ATXN10: variants seen among roughly 807,000 people sequenced by gnomAD.
ATXN10 encodes ataxin-10.
In ATXN10, 28 loss-of-function variants were observed where a neutral mutation model predicts 52.9. The observed-to-expected ratio is 0.53, with a 90% CI of 0.39 to 0.73. The LOEUF (loss-of-function observed/expected upper bound fraction) is 0.73, where lower values mean the gene tolerates loss of function less well. Ranked by LOEUF, ATXN10 falls within the 30% of genes least tolerant of loss-of-function variation. The pLI, the probability that ATXN10 is intolerant of heterozygous loss-of-function variation, is 0.00. For synonymous variants in ATXN10, 226 were observed against 221.5 expected (o/e 1.02, Z -0.18); for missense variants, 565 against 577.0 (o/e 0.98, Z 0.21).
chr22:45,746,655 A>T (rs565488116), intron 9 of ATXN10, among the ~76,000 whole-genome samples: 3 of 146,952 alleles, frequency 2.0e-5, no homozygotes, highest in Non-Finnish European at 4.6e-5. Context: ...CACTGTGTGG[A>T]CTTCCCAACC....
In ATXN10 at chr22:45,823,489, C is replaced by A. The variant is rs139953848; in HGVS notation, c.1237+16467C>A. Among the ~76,000 whole-genome samples, 1 of 152,280 alleles carries A rather than the reference C, an allele frequency of 6.6e-6. No homozygotes were observed. The highest frequency in any genetic ancestry group is 1.9e-4 in the East Asian group (1 of 5,176). On this transcript the variant is annotated intron_variant, in intron 10 of 11. Transcript: ENST00000252934. This position sits in a 1 kb window ranked among gnomAD's most constrained non-coding sequence, Gnocchi z 4.9. ...TTCCGTTTCAGTATTTAAAAACCTT[C>A]ATTTCACCCTTGGCTCTGCAGGACC... is the stretch of plus-strand genomic sequence containing the variant.
rs775174646 is a variant in ATXN10 at position 45,843,036 on chromosome 22, A to G, written c.1283A>G (p.Asp428Gly). ...TATGCCATCCGAAACCTTACCGAAG[A>G]CAACAGCCAAAACCAAGATTTGATT... ...VIYAIRNLTE[D>G]NSQNQDLIAK... is the part of the protein sequence containing the mutation. The change falls in exon 11 of 12, where the codon GAC becomes GGC. Residue 428 changes from aspartate (D) to glycine (G), a missense_variant. Transcript: ENST00000252934. The surrounding 1 kb of genome is among the most constrained non-coding windows in gnomAD (Gnocchi z 4.5). 1.2e-6 allele frequency: 2 copies of G among 1,614,226 alleles called. No homozygotes were observed. The highest frequency in any genetic ancestry group is 3.3e-5 in the Admixed American group (2 of 60,030).
At chr22:45,697,699 G>A (rs1209345614) in intron 3 of ATXN10, among the ~76,000 whole-genome samples, 1 of 151,986 alleles carries the variant, frequency 6.6e-6, no homozygotes, top group Non-Finnish European at 1.5e-5. Flanking sequence ...GGGCGATCTC[G>A]GCTCACTGCA....
chr22:45,801,975 A>G (rs982970158), intron 9 of ATXN10, among the ~76,000 whole-genome samples: 2 of 152,184 alleles, frequency 1.3e-5, no homozygotes, highest in Admixed American at 6.5e-5. Context: ...AACCTCCCCA[A>G]GGTCACACAG....
chr22:45,719,654 A>C (rs2146775919), intron 6 of ATXN10, among the ~76,000 whole-genome samples: 1 of 152,292 alleles, frequency 6.6e-6, no homozygotes, highest in South Asian at 2.1e-4. Context: ...AGTCTATCAA[A>C]ATTATCTATT....
At position 45,775,838 on chromosome 22, in the gene ATXN10, T is replaced by G. The variant is rs1257349031; in HGVS notation, c.1174-31121T>G. On this transcript the variant is annotated intron_variant, in intron 9 of 11. Transcript: ENST00000252934. The surrounding 1 kb of genome is among the most constrained non-coding windows in gnomAD (Gnocchi z 4.7). ...ATTCTACAGCCTCTAACCTGATAGA[T>G]CATTCCGCCCCTCACAGCCAGCCGG... Among the ~76,000 whole-genome samples, 1 of 151,854 alleles carries G rather than the reference T, an allele frequency of 6.6e-6. No homozygotes were observed. The highest frequency in any genetic ancestry group is 2.4e-5 in the African/African-American group (1 of 41,128).
rs1166956891 is a variant in ATXN10 at position 45,762,526 on chromosome 22, C to G, written c.1173+21988C>G. 6.6e-6 allele frequency among the ~76,000 whole-genome samples: 1 copy of G among 152,196 alleles called. No homozygotes were observed. Among genetic ancestry groups the G allele is most frequent in the Non-Finnish European group, 1.5e-5 (1 of 68,032 alleles). ...ACACCTGTTGTGTCTTCCTGGGAGG[C>G]TCCCAGGCATGCTCCTGTCTGGCCA... is the stretch of plus-strand genomic sequence containing the variant. On this transcript the variant is annotated intron_variant, in intron 9 of 11. Coordinates refer to ENST00000252934, the MANE Select transcript of ATXN10 (RefSeq NM_013236.4). The surrounding 1 kb of genome is among the most constrained non-coding windows in gnomAD (Gnocchi z 4.3).
Position 45,677,471 on chromosome 22 carries a change from G to A in ATXN10, c.116+5292G>A, listed in dbSNP as rs772383895. ...CTTAGACAAAATGAGGTTTTCGTTG[G>A]TGTTTAATTTAAAAATTAAAAAAAA... On this transcript the variant is annotated intron_variant, in intron 1 of 11. Coordinates refer to ENST00000252934, the MANE Select transcript of ATXN10 (RefSeq NM_013236.4). The surrounding 1 kb of genome is among the most constrained non-coding windows in gnomAD (Gnocchi z 4.1). The A allele has an allele frequency of 8.1e-5, 12 of 148,214 alleles. No individual in the cohort carries two copies. Among genetic ancestry groups the A allele is most frequent in the Non-Finnish European group, 1.6e-4 (11 of 67,364 alleles). The allele number at this position is 148,214 out of a possible 1,614,324, so 9.2% of individuals were successfully genotyped here. A position where few individuals can be genotyped will look rare whatever the true frequency, so the allele number is the denominator to read the frequency against.
intron 9 of ATXN10, among the ~76,000 whole-genome samples, chr22:45,782,606 T>C (rs537440066): frequency 6.6e-6 from 1 of 152,270 alleles, no homozygotes; most frequent in African/African-American, 2.4e-5. Flanking sequence ...TACTAACCTC[T>C]AGTAGGGGTT....
At chr22:45,707,248 C>T (rs1247487170) in intron 5 of ATXN10, among the ~76,000 whole-genome samples, 1 of 152,158 alleles carries the variant, frequency 6.6e-6, no homozygotes, top group African/African-American at 2.4e-5. Context: ...CCTGTAATCC[C>T]ACTTGCATTC....
intron 10 of ATXN10, among the ~76,000 whole-genome samples, chr22:45,838,705 C>G (rs1929248074): frequency 2.6e-5 from 4 of 152,222 alleles, no homozygotes; most frequent in Admixed American, 2.6e-4. Context: ...ACAGGCTGCA[C>G]TCTAACAAGG....
rs187868918 is a variant in ATXN10 at position 45,805,603 on chromosome 22, C to T, written c.1174-1356C>T. ...AAGCCAGGTTCAAAAGGCTACATGTCGTTCAGATTTTCTGACTCCGTTATA... is the reference window on the plus strand; with the variant it reads ...AAGCCAGGTTCAAAAGGCTACATGTTGTTCAGATTTTCTGACTCCGTTATA... On this transcript the variant is annotated intron_variant, in intron 9 of 11. Coordinates refer to ENST00000252934, the MANE Select transcript of ATXN10 (RefSeq NM_013236.4). The surrounding 1 kb of genome is among the most constrained non-coding windows in gnomAD (Gnocchi z 4.4). Among the ~76,000 whole-genome samples the T allele has an allele frequency of 5.5e-4, 83 of 152,226 alleles. No individual in the cohort carries two copies. Among genetic ancestry groups the T allele is most frequent in the Admixed American group, 2.4e-3 (36 of 15,280 alleles).
rs1458879345 is a variant in ATXN10 at position 45,688,193 on chromosome 22, T to C, written c.117-1519T>C. ...GTACCCTTGAATTTTCATTTCTTAATTTGGTCACTCAGTTGCCGAGACACT... is the reference window on the plus strand; with the variant it reads ...GTACCCTTGAATTTTCATTTCTTAACTTGGTCACTCAGTTGCCGAGACACT... On this transcript the variant is annotated intron_variant, in intron 1 of 11. Transcript: ENST00000252934. This position sits in a 1 kb window ranked among gnomAD's most constrained non-coding sequence, Gnocchi z 4.0. 1.3e-5 allele frequency among the ~76,000 whole-genome samples: 2 copies of C among 152,248 alleles called. No homozygotes were observed. The highest frequency in any genetic ancestry group is 4.8e-5 in the African/African-American group (2 of 41,476).
intron 9 of ATXN10, among the ~76,000 whole-genome samples, chr22:45,778,966 A>G (rs1927054121): frequency 6.6e-6 from 1 of 152,182 alleles, no homozygotes; most frequent in African/African-American, 2.4e-5. Context: ...CAGAGGATCT[A>G]GAAGCTCCTG....
intron 3 of ATXN10, among the ~76,000 whole-genome samples, chr22:45,695,494 C>CTTTT (rs34688034): frequency 7.1e-6 from 1 of 140,906 alleles, no homozygotes; most frequent in Non-Finnish European, 1.5e-5. Flanking sequence ...AGGCATATTT[C>CTTTT]TTTTTTTTTT....
rs1222871816 is a variant in ATXN10 at position 45,837,102 on chromosome 22, A to G, written c.1238-5889A>G. On this transcript the variant is annotated intron_variant, in intron 10 of 11. Transcript: ENST00000252934. The surrounding 1 kb of genome is among the most constrained non-coding windows in gnomAD (Gnocchi z 5.8). The stretch of plus-strand genomic sequence containing the variant: ...AATATATGTCCTGGATGCGAAAACA[A>G]TGCAGATATTACATATAATATATGT... Among the ~76,000 whole-genome samples the G allele has an allele frequency of 6.6e-6, 1 of 152,118 alleles. No homozygotes were observed. The highest frequency in any genetic ancestry group is 1.5e-5 in the Non-Finnish European group (1 of 68,040).
intron 10 of ATXN10, chr22:45,811,890 A>G: frequency 2.3e-6 from 1 of 431,474 alleles, no homozygotes; most frequent in East Asian, 7.0e-5. Context: ...ACCACCTTGC[A>G]TAAGCATGCC....
chr22:45,791,859 TG>T (rs1356854303), intron 9 of ATXN10, among the ~76,000 whole-genome samples: 1 of 152,244 alleles, frequency 6.6e-6, no homozygotes, highest in Non-Finnish European at 1.5e-5. Context: ...ACAAAATACA[TG>T]TTCTGTTTCT....
rs117732419 is a variant in ATXN10, at chr22:45,798,197, T to C, written c.1174-8762T>C. 4.0e-3 allele frequency among the ~76,000 whole-genome samples: 603 copies of C among 152,240 alleles called. 2 individuals carry two copies. Among genetic ancestry groups the C allele is most frequent in the Non-Finnish European group, 6.6e-3 (446 of 68,016 alleles). On this transcript the variant is annotated intron_variant, in intron 9 of 11. Transcript: ENST00000252934. ...AAGCCACCATTACTCTGTTCCCAAATCCGGACAAAAACCTTAAAAGGGAAC... is the reference window on the plus strand; with the variant it reads ...AAGCCACCATTACTCTGTTCCCAAACCCGGACAAAAACCTTAAAAGGGAAC...
Sources: allele counts gnomAD v4.1 joint callset (sites outside exome capture counted in the v4.1 genomes callset), GRCh38; gene constraint gnomAD v4.1.1; non-coding constraint Gnocchi (gnomAD v3.1); transcripts MANE v1.5; gene names NCBI Gene and HGNC (gene_info 2026-07-23, HGNC 2026-07-21).